The following PLA2G4D variants were observed in gnomAD, a reference collection of about 807,000 sequenced individuals.
The protein encoded by PLA2G4D is cytosolic phospholipase A2 delta.
In PLA2G4D, 80 loss-of-function variants were observed where a neutral mutation model predicts 94.4. That is an observed-to-expected ratio of 0.85 (90% confidence interval 0.71 to 1.02). PLA2G4D has a LOEUF of 1.02. Among genes scored for constraint, PLA2G4D ranks in the 50% least tolerant of loss-of-function variants. The probability of loss-of-function intolerance (pLI) is 0.00; values close to 1 mark genes in which losing one functional copy is unlikely to be tolerated. For missense variants in PLA2G4D, 1,050 were observed against 1,034.7 expected, an observed-to-expected ratio of 1.01 and a Z score of -0.20; for synonymous variants, 438 against 440.9, an observed-to-expected ratio of 0.99 and a Z score of 0.08.
rs768565004 is a variant in PLA2G4D, at chr15:42,084,520, G to A, written c.471+576C>T. Among the ~76,000 whole-genome samples, 16 of 152,176 alleles carry A rather than the reference G, an allele frequency of 1.1e-4. No homozygotes were observed. Among genetic ancestry groups the A allele is most frequent in the African/African-American group, 3.6e-4 (15 of 41,426 alleles). ...GCCTGCTCCCAGGTCTGTGCTGCTG[G>A]TCTGGGTCACTGTGATAATCGAGCG... On this transcript the variant is annotated intron_variant, in intron 6 of 19. Transcript: ENST00000290472. This position sits in a 1 kb window ranked among gnomAD's most constrained non-coding sequence, Gnocchi z 4.8.
At chr15:42,086,766 C>T (rs1890158514) in intron 3 of PLA2G4D, among the ~76,000 whole-genome samples, 1 of 152,134 alleles carries the variant, frequency 6.6e-6, no homozygotes, top group Admixed American at 6.5e-5. Context: ...GCAGGCGAAT[C>T]GCTTGAACCT....
Position 42,083,252 on chromosome 15 carries a change from G to A in PLA2G4D, c.618C>T (p.Ala206=), listed in dbSNP as rs539959500. ...TQTSFLGTAS[A]FRFHYMAALE... ...GGGCTGCCATGTAGTGGAAGCGGAAGGCAGAGGCTGTGCCCAGGAAGGATG... is the reference window on the plus strand; with the variant it reads ...GGGCTGCCATGTAGTGGAAGCGGAAAGCAGAGGCTGTGCCCAGGAAGGATG... Residue 206 remains alanine, a synonymous_variant, in exon 8 of 20, where the codon GCC becomes GCT. Transcript: ENST00000290472. The A allele has an allele frequency of 7.4e-6, 12 of 1,614,154 alleles. No individual in the cohort carries two copies. The African/African-American group carries it at 1.3e-4, about 18-fold the overall frequency.
rs553501171 is a variant in PLA2G4D at position 42,069,195 on chromosome 15, T to C, written c.2231-254A>G. Reference sequence around the variant, plus strand: ...CTTAGGCTATTCAGGCAGCCCCACATGTCTCTACATCGCTTCGAGGCAAGG... The same window carrying C: ...CTTAGGCTATTCAGGCAGCCCCACACGTCTCTACATCGCTTCGAGGCAAGG... On this transcript the variant is annotated intron_variant, in intron 19 of 19. Transcript: ENST00000290472. 7.9e-5 allele frequency among the ~76,000 whole-genome samples: 12 copies of C among 152,304 alleles called. No homozygotes were observed. In the South Asian group the frequency reaches 2.5e-3, roughly 32 times the overall value.
chr15:42,084,992 C>T lies in PLA2G4D; in HGVS notation c.471+104G>A. ...GCTAGGGGTGGTTTTACCACGAAGC[C>T]CTGCCCCTTCCTTGTCCCTGCTGGT... is the stretch of plus-strand genomic sequence containing the variant. On this transcript the variant is annotated intron_variant, in intron 6 of 19. Transcript: ENST00000290472. This position sits in a 1 kb window ranked among gnomAD's most constrained non-coding sequence, Gnocchi z 4.8. 1.5e-6 allele frequency: 2 copies of T among 1,355,568 alleles called. No homozygotes were observed. The highest frequency in any genetic ancestry group is 2.1e-6 in the Non-Finnish European group (2 of 956,936). The allele number at this position is 1,355,568 out of a possible 1,614,324, so 84.0% of individuals were successfully genotyped here. A position where few individuals can be genotyped will look rare whatever the true frequency, so the allele number is the denominator to read the frequency against.
intron 18 of PLA2G4D, 96 bp from the exon 19 acceptor site, chr15:42,070,191 C>T: frequency 1.7e-6 from 2 of 1,208,690 alleles, no homozygotes; most frequent in East Asian, 3.1e-5. Context: ...GTCAAGACAA[C>T]AGCCTGGCTC....
At chr15:42,079,105 G>A (rs1209038473) in intron 13 of PLA2G4D, among the ~76,000 whole-genome samples, 2 of 152,218 alleles carry the variant, frequency 1.3e-5, no homozygotes, top group African/African-American at 4.8e-5. Context: ...GAGACACAGA[G>A]AGGTTAAGTA....
rs1889715517 is a variant in PLA2G4D, at chr15:42,067,831, A to G, written c.*884T>C. On this transcript the variant is annotated 3_prime_UTR_variant, in exon 20 of 20. Coordinates refer to ENST00000290472, the MANE Select transcript of PLA2G4D (RefSeq NM_178034.4). ...TCTCAACCTGATAAGGATGTCCAAG[A>G]AAAACCCACAGCTAAAATCACACTA... 6.6e-6 allele frequency: 1 copy of G among 152,256 alleles called. No individual in the cohort carries two copies. Among genetic ancestry groups the G allele is most frequent in the South Asian group, 2.1e-4 (1 of 4,834 alleles). 9.4% of individuals were successfully genotyped at this position (152,256 alleles called of 1,614,324 possible). A position where few individuals can be genotyped will look rare whatever the true frequency, so the allele number is the denominator to read the frequency against.
rs749406688 is a variant in PLA2G4D at position 42,094,508 on chromosome 15, G to C, written c.-49C>G. 2 of 1,610,330 alleles carry C rather than the reference G, an allele frequency of 1.2e-6. No homozygotes were observed. Among genetic ancestry groups the C allele is most frequent in the East Asian group, 2.2e-5 (1 of 44,870 alleles). On this transcript the variant is annotated 5_prime_UTR_variant, in exon 1 of 20. Transcript: ENST00000290472. ...AGGCCCAGCCCTTGCCAAGATGCTGGCTCTCTGGCTGAGTGGCAGCGACGG... is the reference window on the plus strand; with the variant it reads ...AGGCCCAGCCCTTGCCAAGATGCTGCCTCTCTGGCTGAGTGGCAGCGACGG...
At chr15:42,091,782 G>A (rs1890249277) in intron 1 of PLA2G4D, among the ~76,000 whole-genome samples, 1 of 152,204 alleles carries the variant, frequency 6.6e-6, no homozygotes, top group African/African-American at 2.4e-5. Flanking sequence ...TAGTCAATTA[G>A]TGAAAGTACT....
chr15:42,091,294 G>T (rs1332928643), intron 1 of PLA2G4D, among the ~76,000 whole-genome samples: 2 of 152,220 alleles, frequency 1.3e-5, no homozygotes, highest in East Asian at 3.9e-4. Flanking sequence ...TCATTAGTTT[G>T]TAGCAATTAC....
intron 1 of PLA2G4D, among the ~76,000 whole-genome samples, chr15:42,091,562 T>C (rs965396139): frequency 1.3e-5 from 2 of 149,340 alleles, no homozygotes; most frequent in African/African-American, 2.4e-5. Context: ...CATCTGCTAC[T>C]TAGCAGACCG....
chr15:42,086,194 T>TTGGGGGGCGC lies in PLA2G4D; in HGVS notation c.387+18_387+19insGCGCCCCCCA. The TTGGGGGGCGC allele has an allele frequency of 1.5e-6, 2 of 1,370,444 alleles. No individual in the cohort carries two copies. The highest frequency in any genetic ancestry group is 1.9e-6 in the Non-Finnish European group (2 of 1,043,084). The allele number at this position is 1,370,444 out of a possible 1,614,324, so 84.9% of individuals were successfully genotyped here. A position where few individuals can be genotyped will look rare whatever the true frequency, so the allele number is the denominator to read the frequency against. On this transcript the variant is annotated intron_variant, in intron 4 of 19. Transcript: ENST00000290472. ...GGAAGAAGTGGGGCCCACGGGGACTTCCCCACCCACCCACCCACCTGGGGA... is the reference window on the plus strand; with the variant it reads ...GGAAGAAGTGGGGCCCACGGGGACTTTGGGGGGCGCCCCCACCCACCCACCCACCTGGGGA...
chr15:42,083,115 G>A lies in PLA2G4D; in HGVS notation c.672+83C>T, dbSNP rs1042086063. 10 of 1,532,468 alleles carry A rather than the reference G, an allele frequency of 6.5e-6. No individual in the cohort carries two copies. In the East Asian group the frequency reaches 1.8e-4, roughly 28 times the overall value. 94.9% of individuals were successfully genotyped at this position (1,532,468 alleles called of 1,614,324 possible). ...GGCCACAGGGGCCTTGGCCCTGGTG[G>A]GCAGGGAAGGCAGGGAGGGGCCCGC... On this transcript the variant is annotated intron_variant, in intron 8 of 19. Transcript: ENST00000290472.
rs1890078951 is a variant in PLA2G4D, at chr15:42,083,347, T to C, written c.536-13A>G. 6.2e-7 allele frequency: 1 copy of C among 1,607,302 alleles called. No individual in the cohort carries two copies. On this transcript the variant is annotated splice_polypyrimidine_tract_variant and intron_variant, in intron 7 of 19. Transcript: ENST00000290472. The stretch of plus-strand genomic sequence containing the variant: ...AGCTTGTCCTGATCTAGGGAGAGAG[T>C]AGGCGGGTTAGCATGAGAACAAGAG...
chr15:42,068,859 C>A lies in PLA2G4D; in HGVS notation c.2313G>T (p.Met771Ile). 4 of 1,613,876 alleles carry A rather than the reference C, an allele frequency of 2.5e-6. No individual in the cohort carries two copies. The highest frequency in any genetic ancestry group is 1.1e-5 in the South Asian group (1 of 91,048). The part of the protein sequence containing the change: ...GATCPYTLSN[M>I]TYKEEDFERL... ...GCTCGAAGTCTTCCTCCTTGTAGGT[C>A]ATGTTGGACAGGGTGTAGGGGCAGG... The change falls in exon 20 of 20, where the codon ATG (methionine) becomes ATT (isoleucine). Residue 771 changes from methionine to isoleucine, a missense_variant. Coordinates refer to ENST00000290472, the MANE Select transcript of PLA2G4D (RefSeq NM_178034.4).
rs891676970 is a variant in PLA2G4D at position 42,085,505 on chromosome 15, G to C, written c.414C>G (p.Phe138Leu). The C allele has an allele frequency of 6.2e-7, 1 of 1,614,084 alleles. No individual in the cohort carries two copies. Among genetic ancestry groups the C allele is most frequent in the Admixed American group, 1.7e-5 (1 of 60,012 alleles). ...ACATTACTCACGTTTCTTCCATCAG[G>C]AACTCCACATCCAGCTCCTCCTCTC... ...PQGEEELDVE[F>L]LMEETSDRPE... The change falls in exon 5 of 20, where the codon TTC becomes TTG. Residue 138 changes from phenylalanine (F) to leucine (L), a missense_variant. Phe to Leu is a conservative substitution (Grantham distance 22). Transcript: ENST00000290472.
At chr15:42,082,978 C>A (rs931427754) in intron 8 of PLA2G4D, among the ~76,000 whole-genome samples, 2 of 152,188 alleles carry the variant, frequency 1.3e-5, no homozygotes, top group African/African-American at 2.4e-5. Flanking sequence ...ACTGGAGGGG[C>A]CGCTGGAGGA....
At chr15:42,079,210 TGAAGAA>T (rs1178191451) in intron 13 of PLA2G4D, among the ~76,000 whole-genome samples, 1 of 152,220 alleles carries the variant, frequency 6.6e-6, no homozygotes, top group African/African-American at 2.4e-5. Flanking sequence ...ACCCTGAAGA[TGAAGAA>T]GAACAGTAAA....
chr15:42,072,230 GT>G, intron 14 of PLA2G4D, 44 bp downstream of exon 14: 1 of 1,518,898 alleles, frequency 6.6e-7, no homozygotes, highest in Non-Finnish European at 9.1e-7. Context: ...GGTGCAGAGG[GT>G]TTGGGGGGTG....
Sources: gnomAD v4.1 joint callset for allele counts (sites outside exome capture counted in the v4.1 genomes callset) on GRCh38, gnomAD v4.1.1 for gene constraint, Gnocchi (gnomAD v3.1) non-coding constraint, MANE v1.5 for transcripts, NCBI Gene and HGNC (gene_info 2026-07-23, HGNC 2026-07-21) for gene names.